NUP205: variants seen among roughly 807,000 people sequenced by gnomAD.
NUP205 encodes the protein nucleoporin 205, also known as nuclear pore complex protein Nup205.
NUP205 carries 76 observed loss-of-function variants against 253.8 expected under a neutral mutation model. That is an observed-to-expected ratio of 0.30 (90% CI 0.25 to 0.36). The LOEUF (loss-of-function observed/expected upper bound fraction) is 0.36. NUP205 is among the 10% of genes least tolerant of loss of function. The pLI, the probability that NUP205 is intolerant of heterozygous loss-of-function variation, is 1.00. For synonymous variants in NUP205, 832 were observed against 850.1 expected (o/e 0.98, Z 0.37); for missense variants, 2,162 against 2,425.5 (o/e 0.89, Z 2.28).
chr7:135,629,807 G>C (rs1206242141), intron 34 of NUP205, among the ~76,000 whole-genome samples: 1 of 152,094 alleles, frequency 6.6e-6, no homozygotes, highest in Non-Finnish European at 1.5e-5. Context: ...TTACAGGCGT[G>C]AGCCACCATG....
At chr7:135,642,025 C>T (rs947455662) in intron 38 of NUP205, among the ~76,000 whole-genome samples, 15 of 151,672 alleles carry the variant, frequency 9.9e-5, no homozygotes, top group Admixed American at 2.6e-4. Context: ...GAGGCCGAGG[C>T]GGGTGGATCA....
rs1794432783 is a variant in NUP205 at position 135,619,630 on chromosome 7, A to G, written c.4171A>G (p.Ile1391Val). 12 of 1,614,046 alleles carry G rather than the reference A, an allele frequency of 7.4e-6. No individual in the cohort carries two copies. Among genetic ancestry groups the G allele is most frequent in the East Asian group, 2.2e-5 (1 of 44,888 alleles). ...GAACCCATTAGTGGGTTTTGCTTCT[A>G]TTGGAGATTCTTCACTTTACATCAT... ...EENPLVGFAS[I>V]GDSSLYIILK... The change falls in exon 29 of 43, where the codon ATT (isoleucine) becomes GTT (valine). Residue 1391 changes from isoleucine to valine, a missense_variant. Transcript: ENST00000285968.
rs186754456 is a variant in NUP205 at position 135,627,978 on chromosome 7, T to A, written c.4799T>A (p.Phe1600Tyr). 140 of 1,612,706 alleles carry A rather than the reference T, an allele frequency of 8.7e-5. 1 individual carries two copies. The East Asian group carries it at 3.0e-3, about 35-fold the overall frequency. Residue 1600 changes from phenylalanine to tyrosine, a missense_variant, in exon 34 of 43, where the codon TTT becomes TAT. Phe to Tyr is a conservative substitution (Grantham distance 22). Around this residue, in one of 5 missense-constraint regions of NUP205, gnomAD observed 1,144 missense variants for 1,280.9 expected, o/e 0.89. Transcript: ENST00000285968. ...MRPETDPQSM[F>Y]GMRDPPMFIP... ...CCTTGTTTGGTTGAAATAAGCATGT[T>A]TGGCATGAGAGACCCTCCAATGTTC...
At chr7:135,578,944 G>A in intron 7 of NUP205, 29 bp downstream of exon 7, 1 of 1,553,698 alleles carries the variant, frequency 6.4e-7, no homozygotes, top group Non-Finnish European at 8.7e-7. Flanking sequence ...ATTTTGTTAT[G>A]AGAAACAGCA....
Position 135,616,715 on chromosome 7 carries a change from C to A in NUP205, c.3521C>A (p.Thr1174Asn). 1 of 1,556,560 alleles carries A rather than the reference C, an allele frequency of 6.4e-7. No individual in the cohort carries two copies. Among genetic ancestry groups the A allele is most frequent in the South Asian group, 1.2e-5 (1 of 81,252 alleles). The change falls in exon 25 of 43, where the codon ACT (threonine) becomes AAT (asparagine). Residue 1174 changes from threonine to asparagine, a missense_variant. Physicochemically the swap from Thr to Asn is moderately conservative, Grantham distance 65 (BLOSUM62 0). Transcript: ENST00000285968. ...RSVSGFLHFDTATKVRRKILN... is the reference protein window; with the variant it reads ...RSVSGFLHFDNATKVRRKILN... ...GTTTCTGGGTTCCTTCACTTTGACA[C>A]TGCTACAAAAGGTAATGCCCTTTGA...
At chr7:135,566,670 C>G (rs932027563) in intron 1 of NUP205, among the ~76,000 whole-genome samples, 2 of 152,124 alleles carry the variant, frequency 1.3e-5, no homozygotes, top group Non-Finnish European at 2.9e-5. Context: ...CTTTCATGTA[C>G]TCTCATAGCC....
rs1043930137 is a variant in NUP205, at chr7:135,630,431, G to A, written c.5020G>A (p.Ala1674Thr). ...TAGTGCTGGGTCTTTGCAGGAATTGGCTCTGCTGACAGGAATTATAAGTAA... is the reference window on the plus strand; with the variant it reads ...TAGTGCTGGGTCTTTGCAGGAATTGACTCTGCTGACAGGAATTATAAGTAA... ...DVSAGSLQELALLTGIISKAA... is the reference protein window; with the variant it reads ...DVSAGSLQELTLLTGIISKAA... The change falls in exon 35 of 43, where the codon GCT (alanine) becomes ACT (threonine). Residue 1674 changes from alanine to threonine, a missense_variant. Physicochemically the swap from Ala to Thr is moderately conservative, Grantham distance 58. This residue lies in a region of NUP205 where 1,144 missense variants were observed against 1,280.9 expected (regional missense o/e 0.89). Transcript: ENST00000285968. The A allele has an allele frequency of 6.2e-7, 1 of 1,610,358 alleles. No homozygotes were observed. The highest frequency in any genetic ancestry group is 1.3e-5 in the African/African-American group (1 of 74,924).
intron 22 of NUP205, among the ~76,000 whole-genome samples, chr7:135,608,270 T>C (rs1007490905): frequency 6.6e-6 from 1 of 152,090 alleles, no homozygotes; most frequent in African/African-American, 2.4e-5. Context: ...GTGATCCACC[T>C]GCCTCGGTCT....
At chr7:135,615,742 G>A (rs953805210) in intron 23 of NUP205, among the ~76,000 whole-genome samples, 174 bp from the exon 24 acceptor site, 1 of 150,938 alleles carries the variant, frequency 6.6e-6, no homozygotes, top group Non-Finnish European at 1.5e-5. Context: ...TTTCTTTCTT[G>A]GTATCTTTTT....
chr7:135,617,229 G>T lies in NUP205; in HGVS notation c.3672G>T (p.Gln1224His). The T allele has an allele frequency of 6.2e-7, 1 of 1,613,794 alleles. No individual in the cohort carries two copies. Among genetic ancestry groups the T allele is most frequent in the Non-Finnish European group, 8.5e-7 (1 of 1,179,816 alleles). The change falls in exon 26 of 43, where the codon CAG (glutamine) becomes CAT (histidine). Residue 1224 changes from glutamine (Q) to histidine (H), a missense_variant. Coordinates refer to ENST00000285968, the MANE Select transcript of NUP205 (RefSeq NM_015135.3). ...ANCEHKNLRGQTVCNVKLLHR... is the reference protein window; with the variant it reads ...ANCEHKNLRGHTVCNVKLLHR... ...GTGAACACAAGAATTTACGGGGACA[G>T]ACAGTCTGCAATGTCAAGGTGAGGA...
Position 135,628,114 on chromosome 7 carries a change from A to G in NUP205, c.4932+3A>G. On this transcript the variant is annotated splice_donor_region_variant and intron_variant, in intron 34 of 42. Coordinates refer to ENST00000285968, the MANE Select transcript of NUP205 (RefSeq NM_015135.3). ...AGCACTTGCAGGCAGCAGGGCAGGT[A>G]AGGTGAACCCTTTGTTTAGATATTG... The G allele has an allele frequency of 6.2e-7, 1 of 1,607,862 alleles. No individual in the cohort carries two copies. Among genetic ancestry groups the G allele is most frequent in the Non-Finnish European group, 8.5e-7 (1 of 1,177,404 alleles).
At chr7:135,612,005 A>G (rs142392801) in intron 22 of NUP205, among the ~76,000 whole-genome samples, 5,187 of 152,186 alleles carry the variant, frequency 0.034, 117 homozygotes, top group Middle Eastern at 0.096. Flanking sequence ...CTGTAGTCCC[A>G]GCTACTCAGG....
intron 38 of NUP205, among the ~76,000 whole-genome samples, chr7:135,638,887 T>C (rs1794867000): frequency 6.6e-6 from 1 of 152,202 alleles, no homozygotes; most frequent in African/African-American, 2.4e-5. Context: ...ATTCAGGATT[T>C]ACTGAGAGTA....
rs374738397 is a variant in NUP205 at position 135,618,422 on chromosome 7, C to G, written c.3782C>G (p.Thr1261Ser). 6.2e-7 allele frequency: 1 copy of G among 1,613,848 alleles called. No individual in the cohort carries two copies. Among genetic ancestry groups the G allele is most frequent in the Non-Finnish European group, 8.5e-7 (1 of 1,179,938 alleles). The change falls in exon 28 of 43, where the codon ACT becomes AGT. Residue 1261 changes from threonine (T) to serine (S), a missense_variant. Physicochemically the swap from Thr to Ser is moderately conservative, Grantham distance 58. Coordinates refer to ENST00000285968, the MANE Select transcript of NUP205 (RefSeq NM_015135.3). ...QRPLLMEEIS[T>S]VLQYVVGRNK... ...TTCCTGTGGCTTTAGGAAATCAGCA[C>G]TGTACTTCAGTATGTGGTAGGAAGA...
rs766120080 is a variant in NUP205, at chr7:135,619,678, A to G, written c.4219A>G (p.Ile1407Val). Residue 1407 changes from isoleucine (I) to valine (V), a missense_variant, in exon 29 of 43, where the codon ATT becomes GTT. By Grantham distance (29) the Ile-to-Val change is conservative. Coordinates refer to ENST00000285968, the MANE Select transcript of NUP205 (RefSeq NM_015135.3). ...YIILKKLLDF[I>V]LKTGGGFQRV... ...CATATTGAAGAAACTGTTAGACTTC[A>G]TTTTGAAGACAGGTTTTTTTCATTT... 3 of 1,611,516 alleles carry G rather than the reference A, an allele frequency of 1.9e-6. No homozygotes were observed. The East Asian group carries it at 6.7e-5, about 36-fold the overall frequency.
intron 10 of NUP205, among the ~76,000 whole-genome samples, chr7:135,591,175 A>G (rs944282714): frequency 2.0e-5 from 3 of 152,324 alleles, no homozygotes; most frequent in South Asian, 2.1e-4. Context: ...CACATGTCTT[A>G]TATTTTTAAA....
intron 7 of NUP205, among the ~76,000 whole-genome samples, chr7:135,580,205 T>G (rs1257133696): frequency 6.6e-6 from 1 of 152,208 alleles, no homozygotes; most frequent in Non-Finnish European, 1.5e-5. Context: ...TTCCAGAACA[T>G]TTTGTTTTCA....
In NUP205 at chr7:135,578,008, C is replaced by T. The variant is rs1288388199; in HGVS notation, c.861C>T (p.Ser287=). The T allele has an allele frequency of 1.1e-5, 17 of 1,611,192 alleles. No homozygotes were observed. Among genetic ancestry groups the T allele is most frequent in the Non-Finnish European group, 1.4e-5 (17 of 1,177,614 alleles). The change falls in exon 6 of 43, where the codon AGC becomes AGT. Residue 287 remains serine (S), a synonymous_variant. Coordinates refer to ENST00000285968, the MANE Select transcript of NUP205 (RefSeq NM_015135.3). ...YCFDISFIEQ[S]TEERDDMIHQ... The stretch of plus-strand genomic sequence containing the variant: ...TTGATATCAGTTTTATAGAGCAAAG[C>T]ACAGAGGAACGAGATGGTATTGAGT...
intron 35 of NUP205, among the ~76,000 whole-genome samples, chr7:135,634,912 G>A (rs142012644): frequency 1.2e-4 from 18 of 152,258 alleles, no homozygotes; most frequent in Non-Finnish European, 2.4e-4. Context: ...AGTACGAAGT[G>A]AATTAAAGGA....
Sources: gnomAD v4.1 joint callset for allele counts (sites outside exome capture counted in the v4.1 genomes callset) on GRCh38, gnomAD v4.1.1 for gene constraint, gnomAD v4.1.1 regional missense constraint, MANE v1.5 for transcripts, NCBI Gene and HGNC (gene_info 2026-07-23, HGNC 2026-07-21) for gene names.